ARPP21: variants seen among roughly 807,000 people sequenced by gnomAD.
ARPP21 encodes the protein cAMP regulated phosphoprotein 21.
In ARPP21, 69 loss-of-function variants were observed where a neutral mutation model predicts 113.2. The ratio of observed to expected loss-of-function variants is 0.61; its 90% CI spans 0.50 to 0.74. The LOEUF (loss-of-function observed/expected upper bound fraction) is 0.74. ARPP21 is among the 30% of genes least tolerant of loss of function. ARPP21 has a pLI of 0.00. For missense variants in ARPP21, 1,070 were observed against 1,037.4 expected (o/e 1.03, Z -0.43); for synonymous variants, 368 against 375.5 (o/e 0.98, Z 0.23).
intron 19 of ARPP21, among the ~76,000 whole-genome samples, chr3:35,751,519 C>T (rs886075939): frequency 7.2e-5 from 11 of 152,060 alleles, no homozygotes; most frequent in African/African-American, 2.2e-4. Context: ...TGGAATTTCT[C>T]ACGGAAGACA....
intron 1 of ARPP21, chr3:35,640,989 G>A (rs1403521359): frequency 6.6e-6 from 1 of 152,186 alleles, no homozygotes; most frequent in Non-Finnish European, 1.5e-5. Context: ...AAATATAGCT[G>A]AGGTGGATGT....
At chr3:35,762,703 A>T (rs1313103920) in intron 19 of ARPP21, among the ~76,000 whole-genome samples, 1 of 152,148 alleles carries the variant, frequency 6.6e-6, no homozygotes, top group Non-Finnish European at 1.5e-5. Flanking sequence ...AAGTATTAGT[A>T]AAAATGGTTC....
chr3:35,761,902 A>G (rs2095791884), intron 19 of ARPP21, among the ~76,000 whole-genome samples: 1 of 152,114 alleles, frequency 6.6e-6, no homozygotes, highest in East Asian at 1.9e-4. Flanking sequence ...CTAGGACGGC[A>G]CACATTCAAG....
chr3:35,781,999 A>G (rs1048064461), intron 19 of ARPP21, among the ~76,000 whole-genome samples: 2 of 152,158 alleles, frequency 1.3e-5, no homozygotes, highest in Non-Finnish European at 2.9e-5. Flanking sequence ...AAACAAGTGG[A>G]CCTTGTATTT....
intron 1 of ARPP21, among the ~76,000 whole-genome samples, chr3:35,679,175 C>G (rs933191364): frequency 2.0e-5 from 3 of 151,844 alleles, no homozygotes; most frequent in African/African-American, 7.2e-5. Flanking sequence ...TTGTGTTCAC[C>G]CTGCAACAAG....
chr3:35,670,522 G>T (rs985502666), intron 1 of ARPP21, among the ~76,000 whole-genome samples: 1 of 151,898 alleles, frequency 6.6e-6, no homozygotes. Context: ...ATGATAGGTC[G>T]GCCAAACTCA....
chr3:35,657,376 C>T (rs140205439), intron 1 of ARPP21, among the ~76,000 whole-genome samples: 4 of 152,134 alleles, frequency 2.6e-5, no homozygotes, highest in East Asian at 1.9e-4. Flanking sequence ...AAGATCAGGT[C>T]TCCAGAAGAA....
At chr3:35,736,645 A>G (rs1468959979) in intron 15 of ARPP21, among the ~76,000 whole-genome samples, 1 of 152,214 alleles carries the variant, frequency 6.6e-6, no homozygotes, top group Non-Finnish European at 1.5e-5. Flanking sequence ...TCGAGAAATG[A>G]GTGAATGGAT....
chr3:35,684,483 A>G, intron 5 of ARPP21: 1 of 984,828 alleles, frequency 1.0e-6, no homozygotes, highest in Non-Finnish European at 1.2e-6. Context: ...ACAAAATGGG[A>G]AACTTCACAT....
chr3:35,694,433 A>G (rs2083189091), intron 9 of ARPP21, among the ~76,000 whole-genome samples: 1 of 151,498 alleles, frequency 6.6e-6, no homozygotes, highest in East Asian at 1.9e-4. Context: ...TCTTGTAATA[A>G]TATACATTTT....
intron 1 of ARPP21, among the ~76,000 whole-genome samples, chr3:35,677,622 A>G (rs543107966): frequency 4.0e-5 from 6 of 151,500 alleles, no homozygotes; most frequent in African/African-American, 1.4e-4. Context: ...CACTAAAAAA[A>G]GATAGTAACT....
chr3:35,782,657 C>T (rs1181329775), intron 19 of ARPP21, among the ~76,000 whole-genome samples: 5 of 151,648 alleles, frequency 3.3e-5, no homozygotes, highest in Non-Finnish European at 5.9e-5. Flanking sequence ...TGTATGCAAC[C>T]GTTGATGTTG....
chr3:35,736,827 T>C (rs1489985197), intron 15 of ARPP21, among the ~76,000 whole-genome samples: 1 of 152,196 alleles, frequency 6.6e-6, no homozygotes, highest in Non-Finnish European at 1.5e-5. Flanking sequence ...ATCTCACTAA[T>C]GGCTGTGAGG....
At chr3:35,755,937 A>T (rs930473757) in intron 19 of ARPP21, among the ~76,000 whole-genome samples, 2 of 152,118 alleles carry the variant, frequency 1.3e-5, no homozygotes, top group African/African-American at 4.8e-5. Flanking sequence ...AACTTATAAG[A>T]CACTATCTCA....
At chr3:35,707,926 T>G (rs2089799558) in intron 10 of ARPP21, among the ~76,000 whole-genome samples, 2 of 152,138 alleles carry the variant, frequency 1.3e-5, no homozygotes, top group Non-Finnish European at 2.9e-5. Flanking sequence ...ACAATTATAC[T>G]TTGTGTCTCT....
At chr3:35,699,657 G>GA (rs1319737264) in intron 9 of ARPP21, among the ~76,000 whole-genome samples, 4 of 151,270 alleles carry the variant, frequency 2.6e-5, no homozygotes, top group East Asian at 3.9e-4. Context: ...CCAGAAAAAT[G>GA]AAAAAAATAT....
intron 19 of ARPP21, among the ~76,000 whole-genome samples, chr3:35,766,087 A>C (rs2095963661): frequency 6.6e-6 from 1 of 152,144 alleles, no homozygotes; most frequent in Non-Finnish European, 1.5e-5. Flanking sequence ...ATTTATGTGG[A>C]GTATCCAATA....
At chr3:35,751,528 C>T (rs77752620) in intron 19 of ARPP21, among the ~76,000 whole-genome samples, 7,901 of 152,060 alleles carry the variant, frequency 0.052, 655 homozygotes, top group African/African-American at 0.18. Context: ...TCACGGAAGA[C>T]AATAGTGGAA....
intron 1 of ARPP21, among the ~76,000 whole-genome samples, chr3:35,645,083 T>A (rs899796753): frequency 6.6e-6 from 1 of 151,946 alleles, no homozygotes; most frequent in Non-Finnish European, 1.5e-5. Context: ...CATAAATTCA[T>A]ACATTTTAAA....
Sources: gnomAD v4.1 joint callset for allele counts (sites outside exome capture counted in the v4.1 genomes callset) on GRCh38, gnomAD v4.1.1 for gene constraint, MANE v1.5 for transcripts, NCBI Gene and HGNC (gene_info 2026-07-23, HGNC 2026-07-21) for gene names.